Variants in GALNTL6 observed in about 807,000 individuals in gnomAD.
The protein encoded by GALNTL6 is polypeptide N-acetylgalactosaminyltransferase like 6.
Under a neutral mutation model 73.7 loss-of-function variants are expected in GALNTL6, and 46 were observed. The observed-to-expected ratio is 0.62, with a 90% confidence interval of 0.49 to 0.80. GALNTL6 has a LOEUF of 0.80. Among genes scored for constraint, GALNTL6 ranks in the 30% least tolerant of loss-of-function variants. GALNTL6 has a pLI of 0.00. For missense variants in GALNTL6, 604 were observed against 755.0 expected, an observed-to-expected ratio of 0.80 and a Z score of 2.34; for synonymous variants, 259 against 263.7, an observed-to-expected ratio of 0.98 and a Z score of 0.17.
chr4:172,080,781 T>C (rs1258958192), intron 2 of GALNTL6, among the ~76,000 whole-genome samples: 2 of 151,794 alleles, frequency 1.3e-5, no homozygotes, highest in African/African-American at 2.4e-5. Context: ...TTATAGTGCA[T>C]GAAATATTCC....
At chr4:173,016,425 G>A (rs1752785228) in intron 11 of GALNTL6, among the ~76,000 whole-genome samples, 1 of 152,236 alleles carries the variant, frequency 6.6e-6, no homozygotes, top group South Asian at 2.1e-4. Context: ...AAGCCACAGG[G>A]GCAGAGCTGT....
At chr4:172,303,380 C>T (rs1740009998) in intron 3 of GALNTL6, among the ~76,000 whole-genome samples, 1 of 152,078 alleles carries the variant, frequency 6.6e-6, no homozygotes, top group Admixed American at 6.6e-5. Flanking sequence ...ATAAGGCATC[C>T]CCAACAATTT....
At chr4:171,888,888 T>C (rs940017269) in intron 2 of GALNTL6, among the ~76,000 whole-genome samples, 6 of 152,112 alleles carry the variant, frequency 3.9e-5, no homozygotes, top group Admixed American at 3.9e-4. Context: ...AACATGCCAG[T>C]GTTTTACTCT....
intron 5 of GALNTL6, among the ~76,000 whole-genome samples, chr4:172,570,329 G>A (rs1028503185): frequency 2.0e-5 from 3 of 152,152 alleles, no homozygotes; most frequent in African/African-American, 7.2e-5. Context: ...AGGATAACCA[G>A]TGGGGCTAGT....
rs191481849 is a variant in GALNTL6, at chr4:172,322,619, G to A, written c.386+10867G>A. Among the ~76,000 whole-genome samples the A allele has an allele frequency of 3.9e-5, 6 of 152,150 alleles. No homozygotes were observed. The East Asian group carries it at 9.7e-4, about 25-fold the overall frequency. On this transcript the variant is annotated intron_variant, in intron 4 of 12. Coordinates refer to ENST00000506823, the MANE Select transcript of GALNTL6 (RefSeq NM_001034845.3). Reference sequence around the variant, plus strand: ...AAGGGGAAGCAGGCAATTTCTTCATGGTAGAGCAGGAGAGAGAGCGTGAAG... The same window carrying A: ...AAGGGGAAGCAGGCAATTTCTTCATAGTAGAGCAGGAGAGAGAGCGTGAAG...
At chr4:172,327,060 ATTAGATTAATATTT>A (rs1369896539) in intron 4 of GALNTL6, among the ~76,000 whole-genome samples, 1 of 151,988 alleles carries the variant, frequency 6.6e-6, no homozygotes, top group African/African-American at 2.4e-5. Context: ...AAGCTAATCG[ATTAGATTAATATTT>A]TTAAGTGAAT....
intron 3 of GALNTL6, among the ~76,000 whole-genome samples, chr4:172,260,331 C>T (rs755852207): frequency 1.3e-5 from 2 of 151,338 alleles, no homozygotes; most frequent in Non-Finnish European, 3.0e-5. Context: ...AGGTATATTC[C>T]TAAGTATTTT....
intron 2 of GALNTL6, among the ~76,000 whole-genome samples, chr4:172,225,599 T>C (rs1408899059): frequency 6.6e-6 from 1 of 151,844 alleles, no homozygotes; most frequent in African/African-American, 2.4e-5. Flanking sequence ...TCTAACAAGT[T>C]CCCATGATGG....
intron 7 of GALNTL6, among the ~76,000 whole-genome samples, chr4:172,830,206 A>T (rs1742546101): frequency 6.6e-6 from 1 of 152,232 alleles, no homozygotes; most frequent in Non-Finnish European, 1.5e-5. Flanking sequence ...CATGGCAGAG[A>T]TAAAGGAATT....
intron 2 of GALNTL6, among the ~76,000 whole-genome samples, chr4:171,969,058 A>G (rs1739482797): frequency 6.6e-6 from 1 of 151,948 alleles, no homozygotes; most frequent in Non-Finnish European, 1.5e-5. Context: ...GCTGGTCTCG[A>G]ACTCCTGACC....
At chr4:172,373,364 G>C (rs1222202405) in intron 5 of GALNTL6, among the ~76,000 whole-genome samples, 1 of 151,888 alleles carries the variant, frequency 6.6e-6, no homozygotes, top group African/African-American at 2.4e-5. Flanking sequence ...ACTGGATATA[G>C]AGGAGTTACT....
At chr4:173,035,453 C>T (rs955092553) in intron 12 of GALNTL6, among the ~76,000 whole-genome samples, 4 of 152,212 alleles carry the variant, frequency 2.6e-5, no homozygotes, top group African/African-American at 9.6e-5. Context: ...GCTGGGATTA[C>T]AGGCATGAGC....
At chr4:172,674,939 T>G (rs1732197532) in intron 5 of GALNTL6, among the ~76,000 whole-genome samples, 1 of 152,188 alleles carries the variant, frequency 6.6e-6, no homozygotes. Flanking sequence ...CTTAATGATC[T>G]TCATTCCTAT....
intron 2 of GALNTL6, among the ~76,000 whole-genome samples, chr4:171,981,634 T>C (rs1031600640): frequency 2.6e-5 from 4 of 152,210 alleles, no homozygotes; most frequent in Admixed American, 2.6e-4. Context: ...ATATGTTAAA[T>C]GAAATTCCTA....
At chr4:172,860,586 A>G (rs1299509760) in intron 7 of GALNTL6, among the ~76,000 whole-genome samples, 1 of 152,188 alleles carries the variant, frequency 6.6e-6, no homozygotes, top group Non-Finnish European at 1.5e-5. Flanking sequence ...CTGCAACCAG[A>G]TACTCTACCA....
At chr4:172,827,523 A>G (rs1164671119) in intron 7 of GALNTL6, among the ~76,000 whole-genome samples, 1 of 152,168 alleles carries the variant, frequency 6.6e-6, no homozygotes, top group Non-Finnish European at 1.5e-5. Context: ...CTGGAATCCT[A>G]AAGCTGATCT....
intron 2 of GALNTL6, among the ~76,000 whole-genome samples, chr4:171,900,317 T>C (rs1737047018): frequency 1.3e-5 from 2 of 152,240 alleles, no homozygotes; most frequent in East Asian, 1.9e-4. Context: ...TATTTATTTA[T>C]TTATTTTTGA....
At chr4:172,395,424 T>C (rs1055771899) in intron 5 of GALNTL6, among the ~76,000 whole-genome samples, 2 of 152,208 alleles carry the variant, frequency 1.3e-5, no homozygotes, top group African/African-American at 4.8e-5. Flanking sequence ...TTAATCAGAA[T>C]TCTTTGGACA....
At chr4:171,906,568 A>C (rs1737284902) in intron 2 of GALNTL6, among the ~76,000 whole-genome samples, 1 of 152,190 alleles carries the variant, frequency 6.6e-6, no homozygotes, top group Non-Finnish European at 1.5e-5. Context: ...CAGAGGTACA[A>C]GGAGGAACTG....
Sources: gnomAD v4.1 joint callset for allele counts (sites outside exome capture counted in the v4.1 genomes callset) on GRCh38, gnomAD v4.1.1 for gene constraint, MANE v1.5 for transcripts, NCBI Gene and HGNC (gene_info 2026-07-23, HGNC 2026-07-21) for gene names.